The following UMODL1 variants were observed in gnomAD, a reference collection of about 807,000 sequenced individuals.
The protein encoded by UMODL1 is uromodulin-like 1.
UMODL1 carries 128 observed loss-of-function variants against 136.3 expected under a neutral mutation model. The ratio of observed to expected loss-of-function variants is 0.94; its 90% CI spans 0.81 to 1.09. The LOEUF is 1.09. Ranked by LOEUF, UMODL1 falls within the 50% of genes least tolerant of loss-of-function variation. The pLI is 0.00. For synonymous variants in UMODL1, 721 were observed against 720.0 expected (o/e 1.00, Z -0.02); for missense variants, 1,766 against 1,725.6 (o/e 1.02, Z -0.41).
chr21:42,118,035 G>A lies in UMODL1; in HGVS notation c.2476-1076G>A, dbSNP rs147871511. Among the ~76,000 whole-genome samples, 326 of 152,314 alleles carry A rather than the reference G, an allele frequency of 2.1e-3. 1 individual carries two copies. Among genetic ancestry groups the A allele is most frequent in the African/African-American group, 7.5e-3 (310 of 41,576 alleles). On this transcript the variant is annotated intron_variant, in intron 14 of 22. Transcript: ENST00000408910. Reference sequence around the variant, plus strand: ...AGAAATTTCGGGGGTTTCACTTGCTGATAACCGCAGACGTGGATGTCAGGA... The same window carrying A: ...AGAAATTTCGGGGGTTTCACTTGCTAATAACCGCAGACGTGGATGTCAGGA...
At chr21:42,071,250 T>A, upstream of UMODL1, 1 of 1,414,828 alleles carries the variant, frequency 7.1e-7, no homozygotes, top group Admixed American at 3.0e-5. Context: ...CTATGAGCCC[T>A]GGCGTAGCAG....
upstream of UMODL1, among the ~76,000 whole-genome samples, chr21:42,069,871 TTGAG>T (rs10544522): frequency 0.1 from 15,680 of 152,190 alleles, 2,060 homozygotes; most frequent in African/African-American, 0.31. Flanking sequence ...TTTCACTTCC[TTGAG>T]TATTATATAA....
In UMODL1 at chr21:42,111,458, A is replaced by G. The variant is rs200915652; in HGVS notation, c.1900-48A>G. 2,747 of 1,613,900 alleles carry G rather than the reference A, an allele frequency of 1.7e-3. 6 individuals carry two copies. The Middle Eastern group carries it at 0.019, about 11-fold the overall frequency. ...CCCGAAGGCTACTGGGTCAACCCAC[A>G]GCTTCCCTCCTGGGGCCACAGATGG... On this transcript the variant is annotated intron_variant, in intron 11 of 22. Coordinates refer to ENST00000408910, the MANE Select transcript of UMODL1 (RefSeq NM_001004416.3).
At chr21:42,137,275 A>G (rs2067216824) in intron 21 of UMODL1, among the ~76,000 whole-genome samples, 164 bp from the exon 22 acceptor site, 1 of 152,140 alleles carries the variant, frequency 6.6e-6, no homozygotes, top group South Asian at 2.1e-4. Flanking sequence ...CTGGGCTTGG[A>G]CACCTTCCTC....
intron 14 of UMODL1, 29 bp from the exon 15 acceptor site, chr21:42,119,081 GA>G (rs1209815239): frequency 1.2e-6 from 2 of 1,603,796 alleles, no homozygotes; most frequent in South Asian, 2.2e-5. Flanking sequence ...TCAGCGTGGG[GA>G]CCTCCTCACA....
In UMODL1 at chr21:42,084,149, T is replaced by C. The variant is rs781285280; in HGVS notation, c.385T>C (p.Ser129Pro). The change falls in exon 3 of 23, where the codon TCC (serine) becomes CCC (proline). Residue 129 changes from serine (S) to proline (P), a missense_variant. Transcript: ENST00000408910. ...GACPAEGPEPSTSPCSLDIDC... is the reference protein window; with the variant it reads ...GACPAEGPEPPTSPCSLDIDC... The stretch of plus-strand genomic sequence containing the variant: ...CTGCCCCGCAGAGGGGCCTGAACCA[T>C]CCACCTCCCCCTGCAGCTTGGACAT... 1 of 1,614,112 alleles carries C rather than the reference T, an allele frequency of 6.2e-7. No homozygotes were observed. Among genetic ancestry groups the C allele is most frequent in the South Asian group, 1.1e-5 (1 of 91,078 alleles).
At chr21:42,120,954 G>A (rs2066961967) in intron 15 of UMODL1, 133 bp from the exon 16 acceptor site, 2 of 1,170,286 alleles carry the variant, frequency 1.7e-6, no homozygotes, top group Non-Finnish European at 2.4e-6. Context: ...CAGAACTGGT[G>A]AGCTTGACTG....
At position 42,111,672 on chromosome 21, in the gene UMODL1, T is replaced by G. The variant is rs376237302; in HGVS notation, c.2066T>G (p.Leu689Trp). ...SGPSGSVDLPLTSTLTALKTP... is the reference protein window; with the variant it reads ...SGPSGSVDLPWTSTLTALKTP... ...CCCTCCGGTTCTGTAGACCTGCCAT[T>G]GACCTCCACCCTCACAGCTCTGAAG... The change falls in exon 12 of 23, where the codon TTG (leucine) becomes TGG (tryptophan). Residue 689 changes from leucine to tryptophan, a missense_variant. By Grantham distance (61) the Leu-to-Trp change is moderately conservative. Transcript: ENST00000408910. The G allele has an allele frequency of 3.7e-6, 6 of 1,613,748 alleles. No homozygotes were observed. Among genetic ancestry groups the G allele is most frequent in the Non-Finnish European group, 5.1e-6 (6 of 1,179,884 alleles).
chr21:42,120,065 A>T (rs1183870894), intron 15 of UMODL1, among the ~76,000 whole-genome samples: 1 of 152,264 alleles, frequency 6.6e-6, no homozygotes, highest in Non-Finnish European at 1.5e-5. Flanking sequence ...TACACAGACA[A>T]GGTATAAAAG....
chr21:42,098,888 T>G, intron 6 of UMODL1, 38 bp from the exon 7 acceptor site: 2 of 1,608,148 alleles, frequency 1.2e-6, no homozygotes, highest in Non-Finnish European at 1.7e-6. Flanking sequence ...CCGCCCTCAC[T>G]GACCCTTTGC....
intron 9 of UMODL1, 55 bp from the exon 10 acceptor site, chr21:42,109,507 C>T: frequency 6.3e-7 from 1 of 1,596,456 alleles, no homozygotes; most frequent in Non-Finnish European, 8.5e-7. Context: ...GGTCTGTCTT[C>T]TGATCACTCT....
intron 21 of UMODL1, 126 bp from the exon 22 acceptor site, chr21:42,137,313 T>C: frequency 8.4e-7 from 1 of 1,195,936 alleles, no homozygotes; most frequent in Non-Finnish European, 1.2e-6. Context: ...GGCACACGGG[T>C]GCACACGTGG....
intron 7 of UMODL1, among the ~76,000 whole-genome samples, chr21:42,101,551 C>T (rs2066633158): frequency 6.6e-6 from 1 of 152,192 alleles, no homozygotes; most frequent in Non-Finnish European, 1.5e-5. Context: ...TGCTCCTGTG[C>T]CCGCCGACGC....
chr21:42,130,011 C>T (rs922911194), intron 21 of UMODL1, among the ~76,000 whole-genome samples: 1 of 152,216 alleles, frequency 6.6e-6, no homozygotes, highest in Non-Finnish European at 1.5e-5. Flanking sequence ...ATGTAATATG[C>T]TCCTCTCAGC....
chr21:42,070,847 C>T (rs1432188893), upstream of UMODL1, among the ~76,000 whole-genome samples: 1 of 152,214 alleles, frequency 6.6e-6, no homozygotes, highest in African/African-American at 2.4e-5. Flanking sequence ...ATTGTGGAAC[C>T]GTGTGAAGGA....
intron 6 of UMODL1, among the ~76,000 whole-genome samples, chr21:42,092,501 C>T (rs2066503824): frequency 6.6e-6 from 1 of 151,954 alleles, no homozygotes; most frequent in South Asian, 2.1e-4. Flanking sequence ...GCCTGGTTTT[C>T]ACCATGATAA....
intron 10 of UMODL1, among the ~76,000 whole-genome samples, chr21:42,110,155 G>A (rs1209890126): frequency 6.6e-6 from 1 of 152,224 alleles, no homozygotes; most frequent in Non-Finnish European, 1.5e-5. Flanking sequence ...CTGAGCTCTA[G>A]TCCTGCTGTA....
At chr21:42,107,916 T>G (rs8134369) in intron 9 of UMODL1, among the ~76,000 whole-genome samples, 1 of 152,030 alleles carries the variant, frequency 6.6e-6, no homozygotes, top group Non-Finnish European at 1.5e-5. Flanking sequence ...GCGGGGCCAG[T>G]GGGAGCAGTG....
intron 18 of UMODL1, among the ~76,000 whole-genome samples, 195 bp downstream of exon 18, chr21:42,126,685 C>T (rs576192851): frequency 4.6e-5 from 7 of 152,310 alleles, no homozygotes; most frequent in Admixed American, 1.3e-4. Context: ...AAATATGTCC[C>T]GTGGCCAATC....
Sources: gnomAD v4.1 joint callset for allele counts (sites outside exome capture counted in the v4.1 genomes callset) on GRCh38, gnomAD v4.1.1 for gene constraint, MANE v1.5 for transcripts, NCBI Gene and HGNC (gene_info 2026-07-23, HGNC 2026-07-21) for gene names.